The following TNRC6B variants were observed in gnomAD, a reference collection of about 807,000 sequenced individuals.
TNRC6B encodes trinucleotide repeat-containing gene 6B protein.
In TNRC6B, 52 loss-of-function variants were observed where a neutral mutation model predicts 203.6. That is an observed-to-expected ratio of 0.26 (90% CI 0.20 to 0.32). The LOEUF (loss-of-function observed/expected upper bound fraction) is 0.32, where lower values mean the gene tolerates loss of function less well. Ranked by LOEUF, TNRC6B falls within the 10% of genes least tolerant of loss-of-function variation. The probability of loss-of-function intolerance (pLI) is 1.00; values close to 1 mark genes in which losing one functional copy is unlikely to be tolerated. For synonymous variants in TNRC6B, 838 were observed against 845.7 expected (o/e 0.99, Z 0.16); for missense variants, 1,923 against 2,286.2 (o/e 0.84, Z 3.24).
rs375163695 is a variant in TNRC6B, at chr22:40,266,075, C to T, written c.1845C>T (p.Pro615=). 186 of 1,613,632 alleles carry T rather than the reference C, an allele frequency of 1.2e-4. No individual in the cohort carries two copies. Among genetic ancestry groups the T allele is most frequent in the Non-Finnish European group, 1.6e-4 (183 of 1,179,920 alleles). The change falls in exon 5 of 23, where the codon CCC becomes CCT. Residue 615 remains proline (P), a synonymous_variant. Coordinates refer to ENST00000454349, the MANE Select transcript of TNRC6B (RefSeq NM_001162501.2). ...TTTTGAGCCGAACTGATTTGGACCC[C>T]AGGGTGCTCTCAAACACTGGCTGGG... ...QTLLSRTDLD[P]RVLSNTGWGQ... is the part of the protein sequence containing the mutation.
At chr22:40,298,703 AC>A (rs1294706893) in intron 12 of TNRC6B, among the ~76,000 whole-genome samples, 2 of 150,276 alleles carry the variant, frequency 1.3e-5, no homozygotes, top group Non-Finnish European at 3.0e-5. Context: ...GCGGTGGCTC[AC>A]GCCTGTAATC....
At chr22:40,063,245 A>G (rs1601792747) in intron 1 of TNRC6B, among the ~76,000 whole-genome samples, 1 of 152,176 alleles carries the variant, frequency 6.6e-6, no homozygotes, top group African/African-American at 2.4e-5. Flanking sequence ...TTGAGGGTTT[A>G]TTTGTAGATT....
At position 40,281,188 on chromosome 22, in the gene TNRC6B, T is replaced by A. The variant is rs556998804; in HGVS notation, c.3481T>A (p.Ser1161Thr). Reference protein sequence around the residue: ...DEAPCSPFSPSPSYKLSPSGS... With the variant: ...DEAPCSPFSPTPSYKLSPSGS... ...GGCTCCCTGCTCTCCCTTCTCCCCT[T>A]CTCCCAGCTACAAGCTGTCTCCCTC... The change falls in exon 11 of 23, where the codon TCT (serine) becomes ACT (threonine). Residue 1161 changes from serine (S) to threonine (T), a missense_variant. Ser to Thr is a moderately conservative substitution (Grantham distance 58). Around this residue, in one of 8 missense-constraint regions of TNRC6B, gnomAD observed 599 missense variants for 656.5 expected, o/e 0.91. Transcript: ENST00000454349. The A allele has an allele frequency of 5.9e-5, 91 of 1,551,560 alleles. No homozygotes were observed. In the African/African-American group the frequency reaches 1.1e-3, roughly 18 times the overall value.
At chr22:40,103,032 G>A (rs954163964) in intron 1 of TNRC6B, among the ~76,000 whole-genome samples, 5 of 151,890 alleles carry the variant, frequency 3.3e-5, no homozygotes, top group African/African-American at 1.2e-4. Context: ...AGCCAAGATC[G>A]CACCATTGCA....
intron 4 of TNRC6B, among the ~76,000 whole-genome samples, chr22:40,262,598 A>C (rs2070403589): frequency 1.3e-5 from 2 of 152,296 alleles, no homozygotes; most frequent in South Asian, 4.1e-4. Flanking sequence ...GCAATATAGA[A>C]TCTTCGGAGG....
At chr22:40,106,890 TG>T (rs2068288466) in intron 1 of TNRC6B, 1 of 972,450 alleles carries the variant, frequency 1.0e-6, no homozygotes, top group Non-Finnish European at 1.6e-6. Context: ...CTATGTTCCT[TG>T]TGACAGTGCT....
intron 1 of TNRC6B, among the ~76,000 whole-genome samples, chr22:40,178,829 C>G (rs1200500767): frequency 1.3e-5 from 2 of 152,216 alleles, no homozygotes; most frequent in Admixed American, 6.5e-5. Context: ...CAGCCAGATG[C>G]GCTTTTATTT....
At chr22:40,299,158 CAAAAA>C (rs796432826) in intron 12 of TNRC6B, among the ~76,000 whole-genome samples, 8 of 103,070 alleles carry the variant, frequency 7.8e-5, no homozygotes, top group Non-Finnish European at 1.2e-4. Flanking sequence ...AAAAAAAAAA[CAAAAA>C]AAAAAAAAAA....
chr22:40,148,717 T>A (rs549369372), intron 3 of TNRC6B, among the ~76,000 whole-genome samples: 1 of 152,298 alleles, frequency 6.6e-6, no homozygotes, highest in East Asian at 1.9e-4. Flanking sequence ...GGATAGGACT[T>A]TGACAGAGGT....
intron 1 of TNRC6B, among the ~76,000 whole-genome samples, chr22:40,112,273 G>A (rs1287582914): frequency 2.6e-5 from 4 of 152,166 alleles, no homozygotes; most frequent in Admixed American, 2.6e-4. Context: ...GGCCCTTCCA[G>A]GGGGGTGGGT....
chr22:40,217,149 A>G (rs2146429987), intron 1 of TNRC6B, among the ~76,000 whole-genome samples: 1 of 152,168 alleles, frequency 6.6e-6, no homozygotes, highest in East Asian at 1.9e-4. Flanking sequence ...CCTTGGAAGC[A>G]TTTCCCTCAT....
rs2068247578 is a variant in TNRC6B, at chr22:40,102,327, T to A, written c.-120-14728T>A. On this transcript the variant is annotated intron_variant, in intron 1 of 23. Transcript: ENST00000301923. ...AAATAAACAAATGACAGTGAAAGCC[T>A]GCTTATCAGGATCATTATTTGTTGT... 5.9e-5 allele frequency among the ~76,000 whole-genome samples: 9 copies of A among 152,332 alleles called. No individual in the cohort carries two copies. The South Asian group carries it at 1.7e-3, about 28-fold the overall frequency.
At chr22:40,131,460 A>G (rs1287437862) in intron 3 of TNRC6B, among the ~76,000 whole-genome samples, 1 of 151,534 alleles carries the variant, frequency 6.6e-6, no homozygotes, top group East Asian at 1.9e-4. Flanking sequence ...TTTCTAAAAG[A>G]CTGCTGTAAA....
intron 15 of TNRC6B, 54 bp downstream of exon 15, chr22:40,301,387 G>T (rs1182180611): frequency 6.4e-6 from 10 of 1,555,830 alleles, no homozygotes; most frequent in Non-Finnish European, 7.9e-6. Flanking sequence ...CTCTAGGCCT[G>T]TGGTAGGGGT....
intron 2 of TNRC6B, among the ~76,000 whole-genome samples, chr22:40,250,760 G>A (rs542823135): frequency 1.1e-4 from 17 of 152,140 alleles, no homozygotes; most frequent in Admixed American, 4.6e-4. Context: ...AGTCCCTGAG[G>A]TTTTGCTTTT....
At chr22:40,257,181 T>G (rs2070292835) in intron 3 of TNRC6B, among the ~76,000 whole-genome samples, 1 of 152,220 alleles carries the variant, frequency 6.6e-6, no homozygotes, top group African/African-American at 2.4e-5. Flanking sequence ...TTGATACCAT[T>G]GAGATAGTTA....
chr22:40,062,191 T>C (rs1035000400), intron 1 of TNRC6B, among the ~76,000 whole-genome samples: 1 of 152,238 alleles, frequency 6.6e-6, no homozygotes, highest in Non-Finnish European at 1.5e-5. Flanking sequence ...TGTTATTTTT[T>C]AAATTTTACT....
chr22:40,324,418 A>G lies in TNRC6B; in HGVS notation c.*1177A>G, dbSNP rs977817828. 3 of 152,620 alleles carry G rather than the reference A, an allele frequency of 2.0e-5. No individual in the cohort carries two copies. Among genetic ancestry groups the G allele is most frequent in the African/African-American group, 7.2e-5 (3 of 41,450 alleles). 9.5% of individuals were successfully genotyped at this position (152,620 alleles called of 1,614,324 possible). A position where few individuals can be genotyped will look rare whatever the true frequency, so the allele number is the denominator to read the frequency against. On this transcript the variant is annotated 3_prime_UTR_variant, in exon 23 of 23. Transcript: ENST00000454349. ...TTTGATGATGCGATGTCTCAAAAAC[A>G]GAGAAACTTTGTTCCCTCTTTCCTT...
chr22:40,104,708 G>A (rs2068267154), intron 1 of TNRC6B, among the ~76,000 whole-genome samples: 1 of 152,138 alleles, frequency 6.6e-6, no homozygotes, highest in South Asian at 2.1e-4. Context: ...AGAGAGGAGG[G>A]TGTCAGAGTA....
Sources: allele counts gnomAD v4.1 joint callset (sites outside exome capture counted in the v4.1 genomes callset), GRCh38; gene constraint gnomAD v4.1.1; regional missense constraint gnomAD v4.1.1; transcripts MANE v1.5; gene names NCBI Gene and HGNC (gene_info 2026-07-23, HGNC 2026-07-21).